TTC28: variants seen among roughly 807,000 people sequenced by gnomAD.
The protein encoded by TTC28 is tetratricopeptide repeat protein 28.
A neutral mutation model predicts 198.0 loss-of-function variants in TTC28; 61 were observed. The observed-to-expected ratio is 0.31, with a 90% CI of 0.25 to 0.38. TTC28 has a LOEUF of 0.38. TTC28 is among the 10% of genes least tolerant of loss of function. The pLI, the probability that TTC28 is intolerant of heterozygous loss-of-function variation, is 1.00. For missense variants in TTC28, 2,678 were observed against 3,164.0 expected (o/e 0.85, Z 3.69); for synonymous variants, 1,171 against 1,297.8 (o/e 0.90, Z 2.10).
At chr22:28,124,783 G>C (rs1656410768) in intron 6 of TTC28, among the ~76,000 whole-genome samples, 1 of 152,170 alleles carries the variant, frequency 6.6e-6, no homozygotes, top group African/African-American at 2.4e-5. Flanking sequence ...CTAGTCATGG[G>C]TCTCCAGTTG....
chr22:28,404,165 G>A (rs554602476), intron 2 of TTC28, among the ~76,000 whole-genome samples: 1 of 152,258 alleles, frequency 6.6e-6, no homozygotes, highest in African/African-American at 2.4e-5. Flanking sequence ...TGTTGCCCAG[G>A]TTGGAGTGCA....
intron 2 of TTC28, among the ~76,000 whole-genome samples, chr22:28,543,559 G>A (rs1276909388): frequency 1.3e-5 from 2 of 149,622 alleles, no homozygotes; most frequent in Non-Finnish European, 1.5e-5. Context: ...GGGAGGGAGG[G>A]AGAAGAGAAA....
At position 28,466,820 on chromosome 22, in the gene TTC28, T is replaced by TACACACACACAC. The variant is rs58512456; in HGVS notation, c.382-160189_382-160178dup. Among the ~76,000 whole-genome samples the TACACACACACAC allele has an allele frequency of 4.7e-3, 671 of 143,900 alleles. 2 individuals are homozygous for TACACACACACAC. The highest frequency in any genetic ancestry group is 0.019 in the East Asian group (90 of 4,784). 94.4% of individuals were successfully genotyped at this position (143,900 alleles called of 152,430 possible). On this transcript the variant is annotated intron_variant, in intron 2 of 22. Transcript: ENST00000397906. The stretch of plus-strand genomic sequence containing the variant: ...AGTATTCTCACATTATATACATACA[T>TACACACACACAC]ACACACACACACACACACACACACA...
At chr22:28,268,311 T>C (rs1931818957) in intron 5 of TTC28, among the ~76,000 whole-genome samples, 1 of 152,178 alleles carries the variant, frequency 6.6e-6, no homozygotes, top group Non-Finnish European at 1.5e-5. Context: ...CCGCCTGCAG[T>C]GGGCACAGGA....
chr22:28,473,024 G>A (rs2048118658), intron 2 of TTC28, among the ~76,000 whole-genome samples: 1 of 152,126 alleles, frequency 6.6e-6, no homozygotes, highest in South Asian at 2.1e-4. Flanking sequence ...AAGCAAAAGA[G>A]CCTCAGCTAA....
At chr22:28,431,279 G>A (rs915826164) in intron 2 of TTC28, among the ~76,000 whole-genome samples, 4 of 152,006 alleles carry the variant, frequency 2.6e-5, no homozygotes, top group African/African-American at 9.7e-5. Flanking sequence ...GATCACTTAT[G>A]ATAAATTTGA....
chr22:28,029,687 A>G (rs1364887843), intron 13 of TTC28, among the ~76,000 whole-genome samples: 2 of 152,190 alleles, frequency 1.3e-5, no homozygotes, highest in African/African-American at 4.8e-5. Context: ...TCTTAAAGCC[A>G]TTAAGGCCTA....
intron 2 of TTC28, among the ~76,000 whole-genome samples, chr22:28,618,710 GAGGT>G (rs1345456557): frequency 1.4e-5 from 2 of 147,820 alleles, no homozygotes; most frequent in Non-Finnish European, 3.0e-5. Flanking sequence ...ACATAGCAAA[GAGGT>G]AGGATATCGA....
At chr22:28,460,554 ATG>A (rs753744379) in intron 2 of TTC28, among the ~76,000 whole-genome samples, 5 of 151,004 alleles carry the variant, frequency 3.3e-5, no homozygotes, top group African/African-American at 1.2e-4. Flanking sequence ...ATATATATAT[ATG>A]TATGTATGTA....
At chr22:27,988,249 A>AGACAGTGG (rs1937278326) in intron 21 of TTC28, among the ~76,000 whole-genome samples, 1 of 149,824 alleles carries the variant, frequency 6.7e-6, no homozygotes, top group African/African-American at 2.5e-5. Context: ...AAAACAGGTT[A>AGACAGTGG]GACAGTGGGA....
chr22:28,547,651 G>A (rs531492010), intron 2 of TTC28, among the ~76,000 whole-genome samples: 2 of 151,954 alleles, frequency 1.3e-5, no homozygotes, highest in South Asian at 2.1e-4. Context: ...TCCATGGGCT[G>A]TAGTCATGAA....
chr22:28,577,272 TAC>T (rs1243299508), intron 2 of TTC28, among the ~76,000 whole-genome samples: 1 of 152,034 alleles, frequency 6.6e-6, no homozygotes, highest in Admixed American at 6.6e-5. Context: ...CATGTATTTC[TAC>T]AGTTTCCAAA....
At chr22:28,573,182 C>T (rs1231647156) in intron 2 of TTC28, among the ~76,000 whole-genome samples, 5 of 150,208 alleles carry the variant, frequency 3.3e-5, no homozygotes, top group Admixed American at 2.0e-4. Flanking sequence ...ACAGGCCAGG[C>T]GTGGGGGCTC....
intron 2 of TTC28, among the ~76,000 whole-genome samples, chr22:28,395,219 C>G (rs2046795333): frequency 2.0e-5 from 3 of 152,130 alleles, no homozygotes; most frequent in Admixed American, 2.0e-4. Context: ...GTTTTTAACA[C>G]ATACAAATAT....
At chr22:28,525,192 G>A (rs981046785) in intron 2 of TTC28, among the ~76,000 whole-genome samples, 42 of 152,064 alleles carry the variant, frequency 2.8e-4, no homozygotes, top group Admixed American at 2.0e-3. Context: ...CTCTGTCACC[G>A]AGGCTGGAGT....
At chr22:28,370,314 T>C (rs544574130) in intron 2 of TTC28, among the ~76,000 whole-genome samples, 55 of 152,340 alleles carry the variant, frequency 3.6e-4, no homozygotes, top group African/African-American at 1.3e-3. Flanking sequence ...AGGTGGTAAC[T>C]GCTTCCTTGG....
chr22:28,363,560 G>A (rs2046193403), intron 2 of TTC28, among the ~76,000 whole-genome samples: 1 of 152,278 alleles, frequency 6.6e-6, no homozygotes, highest in South Asian at 2.1e-4. Context: ...GAGGGCCACA[G>A]TCCTCCAGAC....
Position 28,345,503 on chromosome 22 carries a change from G to A in TTC28, c.382-38860C>T, listed in dbSNP as rs16987010. Among the ~76,000 whole-genome samples, 2,098 of 152,250 alleles carry A rather than the reference G, an allele frequency of 0.014. 96 individuals carry two copies. The East Asian group carries it at 0.15, about 11-fold the overall frequency. On this transcript the variant is annotated intron_variant, in intron 2 of 22. Transcript: ENST00000397906. ...GAGGCTGGGTAGCTGAGGTGCCTGC[G>A]ATGACCTTTTATGGATCTGCCTGAG... is the stretch of plus-strand genomic sequence containing the variant.
At chr22:27,997,368 G>A (rs927444269) in intron 16 of TTC28, 8 of 152,200 alleles carry the variant, frequency 5.3e-5, no homozygotes, top group African/African-American at 1.9e-4. Context: ...AAATACTACA[G>A]TTGTGTTTGT....
Sources: gnomAD v4.1 joint callset for allele counts (sites outside exome capture counted in the v4.1 genomes callset) on GRCh38, gnomAD v4.1.1 for gene constraint, MANE v1.5 for transcripts, NCBI Gene and HGNC (gene_info 2026-07-23, HGNC 2026-07-21) for gene names.